ABCG1: variants seen among roughly 807,000 people sequenced by gnomAD.
The protein encoded by ABCG1 is ATP binding cassette subfamily G member 1.
Under a neutral mutation model 69.2 loss-of-function variants are expected in ABCG1, and 29 were observed. The ratio of observed to expected loss-of-function variants is 0.42; its 90% CI spans 0.31 to 0.57. ABCG1 has a LOEUF of 0.57. ABCG1 is among the 20% of genes least tolerant of loss of function. The pLI, the probability that ABCG1 is intolerant of heterozygous loss-of-function variation, is 0.15. For missense variants in ABCG1, 718 were observed against 898.1 expected (o/e 0.80, Z 2.56); for synonymous variants, 370 against 374.8 (o/e 0.99, Z 0.15).
At chr21:42,266,309 T>TAAATAAAATA (rs59850533) in intron 2 of ABCG1, among the ~76,000 whole-genome samples, 5,272 of 150,770 alleles carry the variant, frequency 0.035, 306 homozygotes, top group African/African-American at 0.12. Context: ...TCAAAATAAA[T>TAAATAAAATA]AAATAAAATA....
intron 2 of ABCG1, among the ~76,000 whole-genome samples, chr21:42,240,169 C>T (rs9978671): frequency 0.079 from 11,973 of 152,230 alleles, 748 homozygotes; most frequent in African/African-American, 0.17. Flanking sequence ...TGCCAGACCA[C>T]GGTGCCTGCC....
intron 4 of ABCG1, among the ~76,000 whole-genome samples, chr21:42,274,475 CTTT>C (rs57783276): frequency 2.3e-5 from 3 of 128,990 alleles, no homozygotes; most frequent in Admixed American, 7.8e-5. Flanking sequence ...TTTCCAGGGC[CTTT>C]TTTTTTTTTT....
At chr21:42,217,679 C>CTTTTTTTTT (rs71190409), upstream of ABCG1, among the ~76,000 whole-genome samples, 30 of 61,640 alleles carry the variant, frequency 4.9e-4, 3 homozygotes, top group African/African-American at 2.0e-3. Flanking sequence ...TGGATCTACT[C>CTTTTTTTTT]TTTTTTTTTT....
intron 5 of ABCG1, among the ~76,000 whole-genome samples, chr21:42,281,737 C>T (rs991464125): frequency 6.6e-6 from 1 of 152,140 alleles, no homozygotes; most frequent in South Asian, 2.1e-4. Flanking sequence ...CCTACCTCAG[C>T]GATGACAAGA....
upstream of ABCG1, among the ~76,000 whole-genome samples, chr21:42,213,864 A>G (rs1184740956): frequency 6.6e-6 from 1 of 152,200 alleles, no homozygotes; most frequent in Non-Finnish European, 1.5e-5. Flanking sequence ...GAAGCACATA[A>G]CTTGTGTGAC....
At chr21:42,271,287 C>T in intron 3 of ABCG1, 100 bp downstream of exon 3, 1 of 745,044 alleles carries the variant, frequency 1.3e-6, no homozygotes, top group Non-Finnish European at 2.1e-6. Flanking sequence ...CTGGAGCAGG[C>T]TGTGGTCTAC....
chr21:42,237,891 T>C (rs1250392671), intron 2 of ABCG1, among the ~76,000 whole-genome samples: 1 of 152,188 alleles, frequency 6.6e-6, no homozygotes, highest in Non-Finnish European at 1.5e-5. Context: ...TCAAGCAGCC[T>C]ACTCTTGAAT....
At chr21:42,210,740 G>A (rs1406398697) in intron 2 of ABCG1, among the ~76,000 whole-genome samples, 1 of 63,482 alleles carries the variant, frequency 1.6e-5, no homozygotes, top group Non-Finnish European at 2.7e-5. Flanking sequence ...GCACCTCCCT[G>A]CCTCCTTGAT....
intron 2 of ABCG1, among the ~76,000 whole-genome samples, chr21:42,209,650 T>A (rs1201877632): frequency 6.6e-6 from 1 of 152,220 alleles, no homozygotes; most frequent in Non-Finnish European, 1.5e-5. Flanking sequence ...ACTTCTTAGC[T>A]GCAAGTGACT....
At chr21:42,282,078 G>C (rs1043694939) in intron 5 of ABCG1, among the ~76,000 whole-genome samples, 196 bp from the exon 6 acceptor site, 1 of 152,238 alleles carries the variant, frequency 6.6e-6, no homozygotes, top group African/African-American at 2.4e-5. Flanking sequence ...TCATCAGGAC[G>C]GCTGATGTGG....
chr21:42,278,790 G>T (rs999076376), intron 5 of ABCG1, among the ~76,000 whole-genome samples: 1 of 152,150 alleles, frequency 6.6e-6, no homozygotes, highest in African/African-American at 2.4e-5. Context: ...GAGTCTCGGC[G>T]AAGTCTCCCA....
chr21:42,246,749 G>T (rs376887921), intron 2 of ABCG1, among the ~76,000 whole-genome samples: 2 of 152,140 alleles, frequency 1.3e-5, no homozygotes, highest in African/African-American at 2.4e-5. Context: ...AACCCAAGGC[G>T]CAGGCTGAGA....
At chr21:42,251,809 G>A (rs537028076) in intron 2 of ABCG1, among the ~76,000 whole-genome samples, 5 of 152,312 alleles carry the variant, frequency 3.3e-5, no homozygotes, top group East Asian at 3.9e-4. Context: ...GGCAGGCCAC[G>A]CCAGCACTGG....
intron 13 of ABCG1, among the ~76,000 whole-genome samples, chr21:42,293,783 C>A (rs901607940): frequency 2.0e-5 from 3 of 150,620 alleles, no homozygotes; most frequent in African/African-American, 7.3e-5. Context: ...ACCCTACACA[C>A]AAACACACAC....
At chr21:42,278,110 T>C (rs1212982895) in intron 5 of ABCG1, among the ~76,000 whole-genome samples, 2 of 152,204 alleles carry the variant, frequency 1.3e-5, no homozygotes, top group South Asian at 2.1e-4. Flanking sequence ...GGAATTCTTT[T>C]ATTCTGAGAT....
At position 42,278,669 on chromosome 21, in the gene ABCG1, G is replaced by A. The variant is rs368703429; in HGVS notation, c.588+1724G>A. Among the ~76,000 whole-genome samples the A allele has an allele frequency of 3.9e-5, 6 of 152,218 alleles. No homozygotes were observed. In the East Asian group the frequency reaches 7.7e-4, roughly 20 times the overall value. On this transcript the variant is annotated intron_variant, in intron 5 of 14. Coordinates refer to ENST00000398449, the MANE Select transcript of ABCG1 (RefSeq NM_016818.3). The stretch of plus-strand genomic sequence containing the variant: ...CTCCAGAATTGAGGCGGGAGTTTCT[G>A]TTGTGGAAACCAGCCAGTGTGGGGG...
chr21:42,252,493 G>A (rs993478241), intron 2 of ABCG1, among the ~76,000 whole-genome samples: 4 of 152,134 alleles, frequency 2.6e-5, no homozygotes, highest in South Asian at 2.1e-4. Flanking sequence ...AGCCAGGGCC[G>A]CCGGGCAGCT....
chr21:42,201,565 A>G (rs2067506464), intron 1 of ABCG1: 4 of 1,499,806 alleles, frequency 2.7e-6, no homozygotes, highest in Non-Finnish European at 3.6e-6. Context: ...ACCTTCTTCC[A>G]CTCCACCACA....
intron 2 of ABCG1, among the ~76,000 whole-genome samples, chr21:42,233,953 AC>A (rs1261588908): frequency 6.6e-6 from 1 of 152,034 alleles, no homozygotes; most frequent in Non-Finnish European, 1.5e-5. Flanking sequence ...TTGAAAGTGA[AC>A]CTTTTGGCAG....
Sources: allele counts gnomAD v4.1 joint callset (sites outside exome capture counted in the v4.1 genomes callset), GRCh38; gene constraint gnomAD v4.1.1; transcripts MANE v1.5; gene names NCBI Gene and HGNC (gene_info 2026-07-23, HGNC 2026-07-21).